POLB: variants seen among roughly 807,000 people sequenced by gnomAD.
POLB encodes DNA polymerase beta, also known as 5'-dRP lyase.
A neutral mutation model predicts 52.7 loss-of-function variants in POLB; 37 were observed. The observed-to-expected ratio is 0.70, with a 90% CI of 0.54 to 0.92. The LOEUF (loss-of-function observed/expected upper bound fraction) is 0.92. Among genes scored for constraint, POLB ranks in the 40% least tolerant of loss-of-function variants. The pLI, the probability that POLB is intolerant of heterozygous loss-of-function variation, is 0.00. For missense variants in POLB, 313 were observed against 400.8 expected (o/e 0.78, Z 1.87); for synonymous variants, 138 against 131.3 (o/e 1.05, Z -0.35).
At chr8:42,362,783 CT>C in intron 11 of POLB, 85 bp downstream of exon 11, 2 of 717,168 alleles carry the variant, frequency 2.8e-6, no homozygotes, top group Non-Finnish European at 5.0e-6. Flanking sequence ...TTCATGGTAG[CT>C]TTGAATTACA....
intron 9 of POLB, 116 bp downstream of exon 9, chr8:42,357,508 C>T (rs1585898625): frequency 3.2e-6 from 2 of 627,554 alleles, no homozygotes; most frequent in East Asian, 5.4e-5. Flanking sequence ...CTCACTAAGA[C>T]CTAGTAGTAT....
At chr8:42,359,521 ATTT>A (rs900964546) in intron 9 of POLB, among the ~76,000 whole-genome samples, 6 of 110,534 alleles carry the variant, frequency 5.4e-5, no homozygotes, top group African/African-American at 2.5e-4. Context: ...CACCCGGCTA[ATTT>A]TTTTTTTTTT....
At chr8:42,362,958 C>G (rs1420399625) in intron 11 of POLB, among the ~76,000 whole-genome samples, 1 of 151,796 alleles carries the variant, frequency 6.6e-6, no homozygotes, top group African/African-American at 2.4e-5. Flanking sequence ...AACCCCGTCT[C>G]TGCTAAAAAC....
intron 6 of POLB, 112 bp downstream of exon 6, chr8:42,352,680 G>T (rs929583983): frequency 1.4e-6 from 1 of 722,194 alleles, no homozygotes; most frequent in Non-Finnish European, 2.5e-6. Context: ...AGATACAAAA[G>T]ATAAGATTTT....
chr8:42,357,034 G>C, intron 7 of POLB, 135 bp from the exon 8 acceptor site: 3 of 592,102 alleles, frequency 5.1e-6, no homozygotes, highest in Non-Finnish European at 9.0e-6. Context: ...TGTCATCTCA[G>C]TGAATTCATT....
At chr8:42,354,116 T>C (rs2092955009) in intron 6 of POLB, among the ~76,000 whole-genome samples, 1 of 152,206 alleles carries the variant, frequency 6.6e-6, no homozygotes, top group Non-Finnish European at 1.5e-5. Context: ...CTTGGGAGTG[T>C]CAAGGATCTA....
At chr8:42,368,219 A>G (rs1450454883) in intron 11 of POLB, among the ~76,000 whole-genome samples, 1 of 152,158 alleles carries the variant, frequency 6.6e-6, no homozygotes, top group Non-Finnish European at 1.5e-5. Context: ...GCAAGGTAAT[A>G]CCTCCTGGTA....
At chr8:42,352,894 G>A (rs1019359908) in intron 6 of POLB, among the ~76,000 whole-genome samples, 12 of 151,962 alleles carry the variant, frequency 7.9e-5, no homozygotes, top group African/African-American at 2.9e-4. Flanking sequence ...GGCCAACATG[G>A]TGAAACCCCA....
At chr8:42,351,303 G>T (rs1822966549) in intron 5 of POLB, among the ~76,000 whole-genome samples, 1 of 152,198 alleles carries the variant, frequency 6.6e-6, no homozygotes, top group Admixed American at 6.5e-5. Flanking sequence ...TTTCTTCTAT[G>T]CTGCATTGCC....
chr8:42,362,591 T>G (rs1441330255), intron 10 of POLB, 21 bp from the exon 11 acceptor site: 1 of 1,427,948 alleles, frequency 7.0e-7, no homozygotes, highest in Non-Finnish European at 9.8e-7. Context: ...TTTTTCTTAT[T>G]CCCTAATTAT....
intron 13 of POLB, among the ~76,000 whole-genome samples, chr8:42,370,386 G>A (rs1554537966): frequency 6.7e-6 from 1 of 149,894 alleles, no homozygotes; most frequent in Non-Finnish European, 1.5e-5. Flanking sequence ...TTGGCCCCAT[G>A]CTTTTAAAGT....
Position 42,345,985 on chromosome 8 carries a change from G to A in POLB, c.186+966G>A, listed in dbSNP as rs570200231. Among the ~76,000 whole-genome samples, 9 of 151,816 alleles carry A rather than the reference G, an allele frequency of 5.9e-5. No homozygotes were observed. The South Asian group carries it at 1.3e-3, about 21-fold the overall frequency. On this transcript the variant is annotated intron_variant, in intron 3 of 13. Transcript: ENST00000265421. ...TGCTCAGGCTGGAGTGCAGTGGCAC[G>A]ATCTTGGGTCACTGCAGCCTCCGCC... is the stretch of plus-strand genomic sequence containing the variant.
intron 9 of POLB, among the ~76,000 whole-genome samples, chr8:42,360,248 T>G (rs1823592241): frequency 1.3e-5 from 2 of 152,146 alleles, no homozygotes; most frequent in Admixed American, 1.3e-4. Flanking sequence ...TGAGCCACCT[T>G]GCCCGGCCTG....
At chr8:42,354,164 G>A (rs1823155265) in intron 6 of POLB, among the ~76,000 whole-genome samples, 1 of 152,152 alleles carries the variant, frequency 6.6e-6, no homozygotes, top group South Asian at 2.1e-4. Context: ...CACACATAAG[G>A]AATACAACTG....
chr8:42,369,492 G>A, intron 12 of POLB, 157 bp downstream of exon 12: 1 of 559,482 alleles, frequency 1.8e-6, no homozygotes. Flanking sequence ...TAGCTCCAAA[G>A]TATGTAAAGA....
intron 9 of POLB, 24 bp from the exon 10 acceptor site, chr8:42,361,268 TCTC>T (rs1823662129): frequency 6.4e-7 from 1 of 1,552,944 alleles, no homozygotes; most frequent in African/African-American, 1.4e-5. Context: ...ACATGGACAA[TCTC>T]ATATGTGTCT....
intron 9 of POLB, among the ~76,000 whole-genome samples, chr8:42,360,600 A>C (rs1437703520): frequency 2.6e-5 from 4 of 152,224 alleles, no homozygotes; most frequent in Admixed American, 2.6e-4. Flanking sequence ...TAAAATGAAA[A>C]AATTCCATCT....
chr8:42,359,001 G>T (rs1263388334), intron 9 of POLB, among the ~76,000 whole-genome samples: 1 of 152,084 alleles, frequency 6.6e-6, no homozygotes, highest in Non-Finnish European at 1.5e-5. Context: ...ATGCTATGTT[G>T]GCTATGACAG....
intron 10 of POLB, chr8:42,361,601 A>C (rs1336137581): frequency 6.2e-6 from 3 of 483,398 alleles, no homozygotes; most frequent in Non-Finnish European, 1.1e-5. Context: ...CATTGAATAC[A>C]ATAGTTTTAG....
Sources: allele counts gnomAD v4.1 joint callset (sites outside exome capture counted in the v4.1 genomes callset), GRCh38; gene constraint gnomAD v4.1.1; transcripts MANE v1.5; gene names NCBI Gene and HGNC (gene_info 2026-07-23, HGNC 2026-07-21).